SLIT2: variants seen among roughly 807,000 people sequenced by gnomAD.
SLIT2 encodes the protein slit guidance ligand 2.
A neutral mutation model predicts 185.7 loss-of-function variants in SLIT2; 41 were observed. That is an observed-to-expected ratio of 0.22 (90% confidence interval 0.17 to 0.29). The LOEUF (loss-of-function observed/expected upper bound fraction) is 0.29, where lower values mean the gene tolerates loss of function less well. SLIT2 is among the 10% of genes least tolerant of loss of function. SLIT2 has a pLI of 1.00. For missense variants in SLIT2, 1,571 were observed against 1,909.0 expected (o/e 0.82, Z 3.30); for synonymous variants, 693 against 680.2 (o/e 1.02, Z -0.29).
intron 10 of SLIT2, among the ~76,000 whole-genome samples, 185 bp from the exon 11 acceptor site, chr4:20,510,881 A>G (rs189854796): frequency 6.6e-6 from 1 of 152,316 alleles, no homozygotes; most frequent in African/African-American, 2.4e-5. Flanking sequence ...GAAAGTAGAC[A>G]ATGGTTATTT....
intron 8 of SLIT2, among the ~76,000 whole-genome samples, chr4:20,490,412 G>A (rs13146390): frequency 0.11 from 17,167 of 151,726 alleles, 1,306 homozygotes; most frequent in South Asian, 0.23. Context: ...CCCATACATA[G>A]TATCTTATTT....
intron 32 of SLIT2, among the ~76,000 whole-genome samples, chr4:20,597,394 A>G (rs777650614): frequency 6.6e-6 from 1 of 152,114 alleles, no homozygotes; most frequent in Non-Finnish European, 1.5e-5. Context: ...CTCTTCACCC[A>G]GAACTTTGAA....
chr4:20,483,789 T>C (rs554097895), intron 6 of SLIT2, among the ~76,000 whole-genome samples: 40 of 152,138 alleles, frequency 2.6e-4, no homozygotes, highest in Admixed American at 2.6e-3. Context: ...AGAAATAGAC[T>C]TACACATGGG....
intron 4 of SLIT2, among the ~76,000 whole-genome samples, chr4:20,320,712 C>T (rs566888971): frequency 1.3e-4 from 20 of 152,278 alleles, no homozygotes; most frequent in Non-Finnish European, 2.2e-4. Flanking sequence ...ACTAATATCA[C>T]AAAGGGGTTA....
At chr4:20,389,211 GTTA>G (rs1287431719) in intron 4 of SLIT2, among the ~76,000 whole-genome samples, 1 of 151,434 alleles carries the variant, frequency 6.6e-6, no homozygotes, top group East Asian at 1.9e-4. Flanking sequence ...TCACTAATAT[GTTA>G]TTGTAATTAT....
intron 5 of SLIT2, among the ~76,000 whole-genome samples, chr4:20,471,731 C>T (rs139620718): frequency 9.9e-4 from 150 of 152,184 alleles, no homozygotes; most frequent in Non-Finnish European, 1.9e-3. Flanking sequence ...ATGCTCAAGG[C>T]GGTATCCCAA....
chr4:20,330,351 G>C (rs960684685), intron 4 of SLIT2, among the ~76,000 whole-genome samples: 2 of 152,122 alleles, frequency 1.3e-5, no homozygotes, highest in Non-Finnish European at 2.9e-5. Flanking sequence ...AAATGTAACT[G>C]TGCAAAGTAT....
intron 4 of SLIT2, chr4:20,393,468 A>T (rs746779985): frequency 6.6e-6 from 1 of 152,052 alleles, no homozygotes; most frequent in Non-Finnish European, 1.5e-5. Context: ...GCATTTTTTA[A>T]TAAATAATTT....
At chr4:20,489,321 A>G (rs943552691) in intron 8 of SLIT2, among the ~76,000 whole-genome samples, 2 of 152,250 alleles carry the variant, frequency 1.3e-5, no homozygotes, top group Non-Finnish European at 2.9e-5. Flanking sequence ...AACAATTGAA[A>G]AAAAATGATT....
chr4:20,258,613 A>G (rs2109010526), intron 3 of SLIT2, among the ~76,000 whole-genome samples: 1 of 151,920 alleles, frequency 6.6e-6, no homozygotes, highest in East Asian at 1.9e-4. Flanking sequence ...CGTTTTTTAC[A>G]TATTACTTGA....
chr4:20,270,173 T>C (rs1273592537), intron 4 of SLIT2, among the ~76,000 whole-genome samples: 1 of 151,994 alleles, frequency 6.6e-6, no homozygotes, highest in African/African-American at 2.4e-5. Context: ...AGATTATAGG[T>C]ATGCATATCA....
chr4:20,385,657 G>C (rs374541952), intron 4 of SLIT2, among the ~76,000 whole-genome samples: 26 of 152,176 alleles, frequency 1.7e-4, no homozygotes, highest in African/African-American at 5.8e-4. Context: ...GGTGATAAAG[G>C]GTTGCTGTTT....
At position 20,483,144 on chromosome 4, in the gene SLIT2, G is replaced by C. The variant is rs73252434; in HGVS notation, c.539+2357G>C. On this transcript the variant is annotated intron_variant, in intron 6 of 36. Coordinates refer to ENST00000504154, the MANE Select transcript of SLIT2 (RefSeq NM_004787.4). ...ATTGCCTTAAATTTCAGATTCCAAGGGTTTTAGATTTTTTAAAATTTTAAT... is the reference window on the plus strand; with the variant it reads ...ATTGCCTTAAATTTCAGATTCCAAGCGTTTTAGATTTTTTAAAATTTTAAT... Among the ~76,000 whole-genome samples the C allele has an allele frequency of 5.1e-3, 768 of 151,980 alleles. 3 individuals carry two copies. Among genetic ancestry groups the C allele is most frequent in the Non-Finnish European group, 7.9e-3 (534 of 67,892 alleles).
At chr4:20,593,483 A>G (rs1440475665) in intron 30 of SLIT2, among the ~76,000 whole-genome samples, 1 of 152,120 alleles carries the variant, frequency 6.6e-6, no homozygotes, top group Non-Finnish European at 1.5e-5. Context: ...GGGTGGGGAA[A>G]ATGGGAAGAT....
chr4:20,456,588 T>C (rs1713093419), intron 4 of SLIT2, among the ~76,000 whole-genome samples: 1 of 152,168 alleles, frequency 6.6e-6, no homozygotes, highest in African/African-American at 2.4e-5. Context: ...TCTTCCTCAG[T>C]ATATTGCAGT....
At chr4:20,560,288 G>GT (rs890125236) in intron 26 of SLIT2, among the ~76,000 whole-genome samples, 1 of 151,720 alleles carries the variant, frequency 6.6e-6, no homozygotes, top group African/African-American at 2.4e-5. Flanking sequence ...CAATTTAAAT[G>GT]TTTTTTTCTG....
intron 4 of SLIT2, among the ~76,000 whole-genome samples, chr4:20,300,882 A>G (rs925428935): frequency 5.3e-4 from 80 of 152,220 alleles, no homozygotes; most frequent in African/African-American, 1.9e-3. Flanking sequence ...AAAATGCAAT[A>G]GCATTTAATG....
intron 34 of SLIT2, 40 bp from the exon 35 acceptor site, chr4:20,616,870 C>A (rs765116616): frequency 1.9e-6 from 3 of 1,540,862 alleles, no homozygotes; most frequent in Admixed American, 3.8e-5. Context: ...GCTCAGAAAT[C>A]CCCAGAGAGC....
chr4:20,311,569 T>G (rs1274010155), intron 4 of SLIT2, among the ~76,000 whole-genome samples: 2 of 152,182 alleles, frequency 1.3e-5, no homozygotes, highest in Non-Finnish European at 2.9e-5. Context: ...ATATGTGACC[T>G]TACTGGAAGT....
Sources: allele counts gnomAD v4.1 joint callset (sites outside exome capture counted in the v4.1 genomes callset), GRCh38; gene constraint gnomAD v4.1.1; transcripts MANE v1.5; gene names NCBI Gene and HGNC (gene_info 2026-07-23, HGNC 2026-07-21).